STK33: variants seen among roughly 807,000 people sequenced by gnomAD.
STK33 encodes the protein serine/threonine-protein kinase 33.
In STK33, 52 loss-of-function variants were observed where a neutral mutation model predicts 58.0. The ratio of observed to expected loss-of-function variants is 0.90; its 90% confidence interval spans 0.72 to 1.13. The LOEUF is 1.13. STK33 is among the 50% of genes most tolerant of loss of function. STK33 has a pLI of 0.00. For synonymous variants in STK33, 215 were observed against 200.1 expected (o/e 1.07, Z -0.63); for missense variants, 630 against 604.2 (o/e 1.04, Z -0.45).
rs78418418 is a variant in STK33, at chr11:8,577,824, T to C, written c.-466+16259A>G. On this transcript the variant is annotated intron_variant, in intron 1 of 15. Coordinates refer to ENST00000687296, the MANE Select transcript of STK33 (RefSeq NM_001352389.2). The stretch of plus-strand genomic sequence containing the variant: ...TATACATAAATATTTAAAACCTCCT[T>C]TTGCCCATTTTCTGGATATACTCAA... Among the ~76,000 whole-genome samples, 68 of 152,216 alleles carry C rather than the reference T, an allele frequency of 4.5e-4. 1 individual carries two copies. In the East Asian group the frequency reaches 0.012, roughly 26 times the overall value.
At chr11:8,490,142 C>T (rs565961971) in intron 1 of STK33, among the ~76,000 whole-genome samples, 1 of 152,140 alleles carries the variant, frequency 6.6e-6, no homozygotes, top group African/African-American at 2.4e-5. Flanking sequence ...GTGCAGGGGT[C>T]GAGGGATTTC....
the STK33 span, among the ~76,000 whole-genome samples, chr11:8,382,415 A>G: frequency 2.6e-5 from 4 of 152,244 alleles, no homozygotes; most frequent in Non-Finnish European, 1.5e-5. Flanking sequence ...AAGAGCCACA[A>G]GTGGACAAGG....
downstream of STK33, among the ~76,000 whole-genome samples, chr11:8,387,058 A>C (rs1387947968): frequency 6.6e-6 from 1 of 152,232 alleles, no homozygotes; most frequent in African/African-American, 2.4e-5. Flanking sequence ...GGACCAGTTA[A>C]AGCCTTGAGA....
chr11:8,511,539 C>T (rs117765899), intron 1 of STK33, among the ~76,000 whole-genome samples: 9 of 152,262 alleles, frequency 5.9e-5, no homozygotes, highest in Non-Finnish European at 1.2e-4. Context: ...TGAAAGTGGG[C>T]ATCCTTGTCT....
chr11:8,344,009 T>C, the STK33 span, among the ~76,000 whole-genome samples: 1 of 152,130 alleles, frequency 6.6e-6, no homozygotes, highest in Non-Finnish European at 1.5e-5. Flanking sequence ...CTTCCAGCAG[T>C]CCGCTCTGGT....
chr11:8,443,878 T>C (rs973773992), intron 11 of STK33, among the ~76,000 whole-genome samples: 2 of 152,114 alleles, frequency 1.3e-5, no homozygotes, highest in Non-Finnish European at 2.9e-5. Context: ...CACATGCCTG[T>C]GCTCCTTGCT....
At chr11:8,452,960 C>A in intron 10 of STK33, 54 bp from the exon 11 acceptor site, 1 of 1,459,774 alleles carries the variant, frequency 6.9e-7, no homozygotes, top group Non-Finnish European at 9.6e-7. Context: ...AGAGCTCACT[C>A]ATTCTGAAGA....
At chr11:8,387,545 T>C (rs1284796203), downstream of STK33, among the ~76,000 whole-genome samples, 1 of 152,208 alleles carries the variant, frequency 6.6e-6, no homozygotes, top group East Asian at 1.9e-4. Flanking sequence ...CGTAACGTGC[T>C]TAGAATGGTG....
intron 1 of STK33, among the ~76,000 whole-genome samples, chr11:8,508,377 A>ATCT (rs1952037803): frequency 6.8e-6 from 1 of 147,266 alleles, no homozygotes; most frequent in Non-Finnish European, 1.5e-5. Flanking sequence ...GAAGTGATCC[A>ATCT]ACTACCTGAG....
chr11:8,495,481 C>CGCT (rs1287408425), intron 1 of STK33, among the ~76,000 whole-genome samples: 1 of 152,134 alleles, frequency 6.6e-6, no homozygotes, highest in East Asian at 1.9e-4. Flanking sequence ...GAAACAGGAA[C>CGCT]GCTGTTACAC....
intron 1 of STK33, among the ~76,000 whole-genome samples, chr11:8,581,599 T>G (rs921229125): frequency 1.3e-5 from 2 of 152,120 alleles, no homozygotes; most frequent in Non-Finnish European, 2.9e-5. Context: ...GTCTTCTAAG[T>G]GTTTGGAAGA....
chr11:8,512,233 A>C (rs139759202), intron 1 of STK33, among the ~76,000 whole-genome samples: 1 of 152,312 alleles, frequency 6.6e-6, no homozygotes, highest in African/African-American at 2.4e-5. Context: ...AAAAATTTAC[A>C]TAATGATATA....
At chr11:8,374,927 C>T in the STK33 span, among the ~76,000 whole-genome samples, 4 of 152,188 alleles carry the variant, frequency 2.6e-5, no homozygotes, top group Non-Finnish European at 4.4e-5. Context: ...TCTCCTAGCC[C>T]GAGGACCCAC....
At chr11:8,456,998 C>A (rs7935708) in intron 9 of STK33, among the ~76,000 whole-genome samples, 80,716 of 151,690 alleles carry the variant, frequency 0.53, 21,618 homozygotes, top group South Asian at 0.62. Flanking sequence ...ATAAAGTCTA[C>A]AAAGACAAAA....
intron 6 of STK33, among the ~76,000 whole-genome samples, chr11:8,468,516 C>T (rs1948449382): frequency 6.6e-6 from 1 of 152,174 alleles, no homozygotes; most frequent in Admixed American, 6.5e-5. Context: ...ACAATTGTGT[C>T]TGTTCTGTTA....
At chr11:8,373,481 A>G in the STK33 span, among the ~76,000 whole-genome samples, 1 of 152,134 alleles carries the variant, frequency 6.6e-6, no homozygotes, top group Non-Finnish European at 1.5e-5. Context: ...GCTGCGAGGA[A>G]GACGATGAGG....
At chr11:8,479,112 A>T (rs897585038) in intron 2 of STK33, among the ~76,000 whole-genome samples, 1 of 152,130 alleles carries the variant, frequency 6.6e-6, no homozygotes, top group African/African-American at 2.4e-5. Flanking sequence ...CCCTATACTG[A>T]CAGTTAAAAG....
intron 7 of STK33, 118 bp downstream of exon 7, chr11:8,464,591 G>T: frequency 1.6e-6 from 1 of 632,838 alleles, no homozygotes; most frequent in Non-Finnish European, 2.7e-6. Flanking sequence ...TGGGGGATCA[G>T]CCCAGGCCTG....
intron 1 of STK33, among the ~76,000 whole-genome samples, chr11:8,563,015 G>C (rs1315700172): frequency 2.6e-5 from 4 of 152,128 alleles, no homozygotes; most frequent in Admixed American, 1.3e-4. Context: ...TCTAGCTAAA[G>C]AATCTCTGAG....
Sources: gnomAD v4.1 joint callset for allele counts (sites outside exome capture counted in the v4.1 genomes callset) on GRCh38, gnomAD v4.1.1 for gene constraint, MANE v1.5 for transcripts, NCBI Gene and HGNC (gene_info 2026-07-23, HGNC 2026-07-21) for gene names.